TNFRSF21: variants seen among roughly 807,000 people sequenced by gnomAD.
TNFRSF21 encodes the protein tumor necrosis factor receptor superfamily member 21.
In TNFRSF21, 19 loss-of-function variants were observed where a neutral mutation model predicts 45.6. The observed-to-expected ratio is 0.42, with a 90% CI of 0.29 to 0.61. TNFRSF21 has a LOEUF of 0.61. Ranked by LOEUF, TNFRSF21 falls within the 20% of genes least tolerant of loss-of-function variation. The probability of loss-of-function intolerance (pLI) is 0.23; values close to 1 mark genes in which losing one functional copy is unlikely to be tolerated. For missense variants in TNFRSF21, 737 were observed against 851.5 expected (o/e 0.87, Z 1.67); for synonymous variants, 314 against 335.5 (o/e 0.94, Z 0.70).
At chr6:47,289,629 A>C (rs945092740) in intron 1 of TNFRSF21, among the ~76,000 whole-genome samples, 3 of 152,162 alleles carry the variant, frequency 2.0e-5, no homozygotes, top group African/African-American at 7.2e-5. Flanking sequence ...AATAAGCCTC[A>C]GACACCTTTT....
intron 1 of TNFRSF21, among the ~76,000 whole-genome samples, chr6:47,295,420 G>T (rs1032829287): frequency 1.3e-5 from 2 of 152,166 alleles, no homozygotes; most frequent in African/African-American, 4.8e-5. Flanking sequence ...TAAAGGGCAG[G>T]CAGAGAGACT....
At chr6:47,241,173 G>C (rs1764738332) in intron 4 of TNFRSF21, among the ~76,000 whole-genome samples, 1 of 152,128 alleles carries the variant, frequency 6.6e-6, no homozygotes, top group Admixed American at 6.5e-5. Context: ...CAGATAATAA[G>C]AAATGCTTTC....
chr6:47,286,618 G>C lies in TNFRSF21; in HGVS notation c.97-23C>G, dbSNP rs202066435. 16 of 1,573,682 alleles carry C rather than the reference G, an allele frequency of 1.0e-5. No individual in the cohort carries two copies. In the Admixed American group the frequency reaches 2.0e-4, roughly 20 times the overall value. On this transcript the variant is annotated intron_variant, in intron 1 of 5. Transcript: ENST00000296861. ...AAGCTGAAAGAAACAGAAGGGGAGGGAAAGGAACAAAAACCAAGAAGATGT... is the reference window on the plus strand; with the variant it reads ...AAGCTGAAAGAAACAGAAGGGGAGGCAAAGGAACAAAAACCAAGAAGATGT...
rs758041079 is a variant in TNFRSF21, at chr6:47,284,271, G to T, written c.910C>A (p.Pro304Thr). 6.2e-7 allele frequency: 1 copy of T among 1,612,268 alleles called. No individual in the cohort carries two copies. The highest frequency in any genetic ancestry group is 8.5e-7 in the Non-Finnish European group (1 of 1,179,056). Residue 304 changes from proline (P) to threonine (T), a missense_variant, in exon 3 of 6, where the codon CCC becomes ACC. Physicochemically the swap from Pro to Thr is conservative, Grantham distance 38. Transcript: ENST00000296861. ...AGCTTCAGGATGTGTCTGTGGTGGG[G>T]GCCTTGCTGGTGGTTGACTACCTGA... ...NLQVVNHQQGPHHRHILKLLP... is the reference protein window; with the variant it reads ...NLQVVNHQQGTHHRHILKLLP...
chr6:47,246,490 C>T (rs1764826657), intron 4 of TNFRSF21, among the ~76,000 whole-genome samples: 4 of 152,116 alleles, frequency 2.6e-5, no homozygotes, highest in Non-Finnish European at 5.9e-5. Context: ...AAATTCAAAC[C>T]CAATTCAGAG....
chr6:47,258,681 T>A (rs931351447), intron 3 of TNFRSF21, among the ~76,000 whole-genome samples: 2 of 152,146 alleles, frequency 1.3e-5, no homozygotes, highest in African/African-American at 4.8e-5. Flanking sequence ...TCAAGTGATC[T>A]GCCCACCTCA....
rs1395481173 is a variant in TNFRSF21, at chr6:47,232,731, T to C, written c.*34A>G. 1.3e-6 allele frequency: 2 copies of C among 1,593,058 alleles called. No individual in the cohort carries two copies. Among genetic ancestry groups the C allele is most frequent in the East Asian group, 2.2e-5 (1 of 44,696 alleles). ...ATTAAAAAACCACCCTGCCACTAAA[T>C]TGAGTAATTTCCAGAATGCAGTATC... is the stretch of plus-strand genomic sequence containing the variant. On this transcript the variant is annotated 3_prime_UTR_variant, in exon 6 of 6. Transcript: ENST00000296861.
At position 47,281,254 on chromosome 6, in the gene TNFRSF21, T is replaced by G. The variant is rs1386643530; in HGVS notation, c.1243+2684A>C. Among the ~76,000 whole-genome samples the G allele has an allele frequency of 1.1e-4, 17 of 151,774 alleles. No homozygotes were observed. The East Asian group carries it at 3.3e-3, about 29-fold the overall frequency. ...AGGGGATAAAAGGCCATAAAATAAT[T>G]AAGAAAAATTATTTTTTCCATGTAT... On this transcript the variant is annotated intron_variant, in intron 3 of 5. Transcript: ENST00000296861.
chr6:47,269,721 C>A (rs1241775389), intron 3 of TNFRSF21, among the ~76,000 whole-genome samples: 1 of 152,208 alleles, frequency 6.6e-6, no homozygotes, highest in Non-Finnish European at 1.5e-5. Context: ...GAAATATCAT[C>A]TAAGACAGAG....
chr6:47,286,403 T>C lies in TNFRSF21; in HGVS notation c.289A>G (p.Thr97Ala). 1 of 1,614,204 alleles carries C rather than the reference T, an allele frequency of 6.2e-7. No individual in the cohort carries two copies. The highest frequency in any genetic ancestry group is 8.5e-7 in the Non-Finnish European group (1 of 1,180,034). Reference sequence around the variant, plus strand: ...TTCTCTATGCCATTCTCATGCCTGGTAAAGGTCCCCACAGGGCAACTGCTG... The same window carrying C: ...TTCTCTATGCCATTCTCATGCCTGGCAAAGGTCCCCACAGGGCAACTGCTG... The part of the protein sequence containing the change: ...VCSSCPVGTF[T>A]RHENGIEKCH... Residue 97 changes from threonine (T) to alanine (A), a missense_variant, in exon 2 of 6, where the codon ACC becomes GCC. Coordinates refer to ENST00000296861, the MANE Select transcript of TNFRSF21 (RefSeq NM_014452.5).
chr6:47,303,876 A>G (rs184123853), intron 1 of TNFRSF21, among the ~76,000 whole-genome samples: 2,011 of 152,372 alleles, frequency 0.013, 21 homozygotes, highest in Non-Finnish European at 0.017. Context: ...ATCAAAGCTC[A>G]GCAGCTGTTG....
intron 4 of TNFRSF21, among the ~76,000 whole-genome samples, chr6:47,252,943 G>C (rs952979291): frequency 6.6e-6 from 1 of 152,164 alleles, no homozygotes; most frequent in South Asian, 2.1e-4. Context: ...TGTAAATGGA[G>C]TAACAAAGAG....
At chr6:47,307,630 G>A (rs190646867) in intron 1 of TNFRSF21, among the ~76,000 whole-genome samples, 7 of 152,270 alleles carry the variant, frequency 4.6e-5, no homozygotes, top group Admixed American at 3.9e-4. Flanking sequence ...CACCCTGGCC[G>A]CCCAAAACGC....
chr6:47,263,764 C>T (rs1168153364), intron 3 of TNFRSF21, among the ~76,000 whole-genome samples: 1 of 152,132 alleles, frequency 6.6e-6, no homozygotes, highest in Non-Finnish European at 1.5e-5. Context: ...TTCTAAGACA[C>T]CTGAATGTAT....
At chr6:47,245,458 T>TTTGTGTGTGTGTGTTTGTG (rs1561939018) in intron 4 of TNFRSF21, among the ~76,000 whole-genome samples, 78 of 107,854 alleles carry the variant, frequency 7.2e-4, no homozygotes, top group African/African-American at 3.5e-3. Flanking sequence ...GTGTGTGTGT[T>TTTGTGTGTGTGTGTTTGTG]TGTGTGTGTG....
chr6:47,240,876 AAAAC>A (rs1764735208), intron 4 of TNFRSF21, among the ~76,000 whole-genome samples: 1 of 152,250 alleles, frequency 6.6e-6, no homozygotes, highest in East Asian at 1.9e-4. Context: ...GCTGGTTAAA[AAAAC>A]AAACAAACAA....
At chr6:47,275,569 G>C (rs866702523) in intron 3 of TNFRSF21, among the ~76,000 whole-genome samples, 3 of 152,108 alleles carry the variant, frequency 2.0e-5, no homozygotes, top group Admixed American at 6.5e-5. Flanking sequence ...TGAGTTGATA[G>C]GTGCAGCAAA....
At chr6:47,281,940 C>G (rs979750708) in intron 3 of TNFRSF21, among the ~76,000 whole-genome samples, 1 of 151,720 alleles carries the variant, frequency 6.6e-6, no homozygotes, top group African/African-American at 2.4e-5. Context: ...TGATAAGACC[C>G]AAATAGGATG....
chr6:47,307,016 T>C (rs772227833), intron 1 of TNFRSF21, among the ~76,000 whole-genome samples: 2 of 152,202 alleles, frequency 1.3e-5, no homozygotes, highest in Non-Finnish European at 2.9e-5. Flanking sequence ...GATCATCATT[T>C]TATACATTAA....
Sources: allele counts gnomAD v4.1 joint callset (sites outside exome capture counted in the v4.1 genomes callset), GRCh38; gene constraint gnomAD v4.1.1; transcripts MANE v1.5; gene names NCBI Gene and HGNC (gene_info 2026-07-23, HGNC 2026-07-21).